The following ATAD5 variants were observed in gnomAD, a reference collection of about 807,000 sequenced individuals.
ATAD5 encodes ATPase family AAA domain containing 5.
A neutral mutation model predicts 176.9 loss-of-function variants in ATAD5; 58 were observed. The ratio of observed to expected loss-of-function variants is 0.33; its 90% confidence interval spans 0.27 to 0.41. The LOEUF (loss-of-function observed/expected upper bound fraction) is 0.41, where lower values mean the gene tolerates loss of function less well. Among genes scored for constraint, ATAD5 ranks in the 10% least tolerant of loss-of-function variants. ATAD5 has a pLI of 1.00. For synonymous variants in ATAD5, 640 were observed against 712.6 expected (o/e 0.90, Z 1.62); for missense variants, 1,789 against 2,094.1 (o/e 0.85, Z 2.84).
In ATAD5 at chr17:30,835,932, A is replaced by G. The variant is rs1905716272; in HGVS notation, c.1851A>G (p.Val617=). The change falls in exon 2 of 23, where the codon GTA becomes GTG. Residue 617 remains valine (V), a synonymous_variant. Coordinates refer to ENST00000321990, the MANE Select transcript of ATAD5 (RefSeq NM_024857.5). The part of the protein sequence containing the change: ...ETIRGIDSDD[V]QDNSQLKAST... ...TTAGAGGTATTGATTCTGACGATGT[A>G]CAAGATAATAGTCAACTAAAGGCTT... is the stretch of plus-strand genomic sequence containing the variant. The G allele has an allele frequency of 3.7e-6, 6 of 1,614,158 alleles. No individual in the cohort carries two copies. In the East Asian group the frequency reaches 1.3e-4, roughly 36 times the overall value.
intron 17 of ATAD5, 103 bp downstream of exon 17, chr17:30,878,199 T>A: frequency 1.3e-6 from 1 of 761,582 alleles, no homozygotes; most frequent in Non-Finnish European, 2.2e-6. Context: ...AATTACTTTT[T>A]TAAAATTGAT....
intron 18 of ATAD5, 30 bp from the exon 19 acceptor site, chr17:30,887,162 G>T (rs1416203314): frequency 6.5e-7 from 1 of 1,537,646 alleles, no homozygotes; most frequent in African/African-American, 1.4e-5. Context: ...GAACTCAGCA[G>T]TTAACCACAT....
chr17:30,839,964 T>C (rs951709172), intron 3 of ATAD5, among the ~76,000 whole-genome samples: 1 of 151,922 alleles, frequency 6.6e-6, no homozygotes, highest in African/African-American at 2.4e-5. Flanking sequence ...TTTGGGAGGC[T>C]AAGGCAGGCA....
At position 30,887,381 on chromosome 17, in the gene ATAD5, A is replaced by C. The variant is rs1444261565; in HGVS notation, c.4258+9A>C. ...ACCATTAACCCTTTATCGTAAGTTG[A>C]TTTGTTATTAAAGAAATTTCTATTA... On this transcript the variant is annotated intron_variant, in intron 19 of 22. Coordinates refer to ENST00000321990, the MANE Select transcript of ATAD5 (RefSeq NM_024857.5). 2 of 1,583,600 alleles carry C rather than the reference A, an allele frequency of 1.3e-6. No individual in the cohort carries two copies. Among genetic ancestry groups the C allele is most frequent in the South Asian group, 1.2e-5 (1 of 85,484 alleles).
In ATAD5 at chr17:30,869,301, C is replaced by T. The variant is rs770050678; in HGVS notation, c.3367C>T (p.Arg1123Cys). The change falls in exon 13 of 23, where the codon CGT (arginine) becomes TGT (cysteine). Residue 1123 changes from arginine to cysteine, a missense_variant. This residue lies in a region of ATAD5 where 487 missense variants were observed against 573.6 expected (regional missense o/e 0.85). Coordinates refer to ENST00000321990, the MANE Select transcript of ATAD5 (RefSeq NM_024857.5). ...KGSSDDEEESRLCNTVLITGP... is the reference protein window; with the variant it reads ...KGSSDDEEESCLCNTVLITGP... ...CAGTTCAGATGATGAAGAAGAGAGT[C>T]GTCTTTGCAATACTGTCCTTATAAC... The T allele has an allele frequency of 9.9e-6, 16 of 1,613,716 alleles. No individual in the cohort carries two copies. Among genetic ancestry groups the T allele is most frequent in the South Asian group, 2.2e-5 (2 of 91,034 alleles).
In ATAD5 at chr17:30,893,650, A is replaced by C. The variant is rs1909754061; in HGVS notation, c.4797A>C (p.Ser1599=). 6.2e-7 allele frequency: 1 copy of C among 1,613,602 alleles called. No individual in the cohort carries two copies. The highest frequency in any genetic ancestry group is 1.3e-5 in the African/African-American group (1 of 74,904). Residue 1599 remains serine (S), a synonymous_variant, in exon 21 of 23, where the codon TCA becomes TCC. Transcript: ENST00000321990. ...SISLSSVSSS[S]NAEESKTGDE... is the part of the protein sequence containing the mutation. ...GCCTGTCCTCTGTATCATCTTCCTCAAATGCAGAAGAAAGCAAAACCGGAG... is the reference window on the plus strand; with the variant it reads ...GCCTGTCCTCTGTATCATCTTCCTCCAATGCAGAAGAAAGCAAAACCGGAG...
In ATAD5 at chr17:30,840,777, CAGAA is replaced by C; in HGVS notation, c.2238_2241del (p.Glu747IlefsTer4). On this transcript the variant is annotated frameshift_variant and splice_region_variant, in exon 4 of 23. Coordinates refer to ENST00000321990, the MANE Select transcript of ATAD5 (RefSeq NM_024857.5). LOFTEE classifies it high-confidence loss of function. ...CCTGAAAGGAAGAAATTGTCAGAAACAGAAGTAAGTATTATAAATATCTGTTGGT... is the reference window on the plus strand; with the variant it reads ...CCTGAAAGGAAGAAATTGTCAGAAACGTAAGTATTATAAATATCTGTTGGT... The C allele has an allele frequency of 6.3e-7, 1 of 1,596,612 alleles. No individual in the cohort carries two copies. The highest frequency in any genetic ancestry group is 8.5e-7 in the Non-Finnish European group (1 of 1,174,780).
rs771848966 is a variant in ATAD5, at chr17:30,877,986, A to T, written c.3919-17A>T. On this transcript the variant is annotated splice_polypyrimidine_tract_variant and intron_variant, in intron 16 of 22. Coordinates refer to ENST00000321990, the MANE Select transcript of ATAD5 (RefSeq NM_024857.5). ...TTAGTAAGTGTATTAATATATTAATATTCTAATAAACTGTAGGTTGATGTA... is the reference window on the plus strand; with the variant it reads ...TTAGTAAGTGTATTAATATATTAATTTTCTAATAAACTGTAGGTTGATGTA... 2 of 1,522,404 alleles carry T rather than the reference A, an allele frequency of 1.3e-6. No homozygotes were observed. The highest frequency in any genetic ancestry group is 1.8e-6 in the Non-Finnish European group (2 of 1,101,766). The allele number at this position is 1,522,404 out of a possible 1,614,324, so 94.3% of individuals were successfully genotyped here.
Position 30,892,589 on chromosome 17 carries a change from TTTTC to T in ATAD5, c.4259-14_4259-11del. ...GTTTAATACATATATAGAGCTAAGATTTTCTTTTATTTTGTAGGTGGAAATAGCA... is the reference window on the plus strand; with the variant it reads ...GTTTAATACATATATAGAGCTAAGATTTTTATTTTGTAGGTGGAAATAGCA... On this transcript the variant is annotated splice_polypyrimidine_tract_variant and intron_variant, in intron 19 of 22. Transcript: ENST00000321990. 6.6e-7 allele frequency: 1 copy of T among 1,524,300 alleles called. No homozygotes were observed. The highest frequency in any genetic ancestry group is 8.8e-7 in the Non-Finnish European group (1 of 1,139,192). The allele number at this position is 1,524,300 out of a possible 1,614,324, so 94.4% of individuals were successfully genotyped here. A position where few individuals can be genotyped will look rare whatever the true frequency, so the allele number is the denominator to read the frequency against.
At chr17:30,856,898 A>G (rs1907319043) in intron 7 of ATAD5, 57 bp from the exon 8 acceptor site, 18 of 1,408,386 alleles carry the variant, frequency 1.3e-5, no homozygotes, top group Non-Finnish European at 1.7e-5. Context: ...TTTGACATTC[A>G]GTAAATGGAT....
chr17:30,870,445 A>T (rs1285967699), intron 14 of ATAD5, among the ~76,000 whole-genome samples: 1 of 151,982 alleles, frequency 6.6e-6, no homozygotes, highest in East Asian at 2.0e-4. Context: ...TATGGGCCTT[A>T]TTAGATTCAG....
chr17:30,869,926 A>G, intron 14 of ATAD5: 2 of 302,314 alleles, frequency 6.6e-6, no homozygotes, highest in Non-Finnish European at 1.2e-5. Flanking sequence ...CCTAAGCAGC[A>G]TAGCGAGACC....
intron 8 of ATAD5, 151 bp downstream of exon 8, chr17:30,857,263 G>C (rs1907342152): frequency 1.2e-6 from 1 of 825,454 alleles, no homozygotes. Context: ...CTGTTGCCCA[G>C]GCTGGAGTGC....
chr17:30,869,510 T>G lies in ATAD5; in HGVS notation c.3471T>G (p.Asn1157Lys). The change falls in exon 14 of 23, where the codon AAT becomes AAG. Residue 1157 changes from asparagine (N) to lysine (K), a missense_variant. Around this residue, in one of 6 missense-constraint regions of ATAD5, gnomAD observed 194 missense variants for 270.1 expected, o/e 0.72. Transcript: ENST00000321990. ...TCTTCTTTTAGATATTTGAAGTGAATGCCTCTTCCCAGCGCAGTGGTAGAC... is the reference window on the plus strand; with the variant it reads ...TCTTCTTTTAGATATTTGAAGTGAAGGCCTCTTCCCAGCGCAGTGGTAGAC... ...QELGFKIFEV[N>K]ASSQRSGRQI... 6.2e-7 allele frequency: 1 copy of G among 1,613,222 alleles called. No homozygotes were observed. Among genetic ancestry groups the G allele is most frequent in the Non-Finnish European group, 8.5e-7 (1 of 1,179,840 alleles).
intron 18 of ATAD5, among the ~76,000 whole-genome samples, chr17:30,881,528 C>A (rs1909011441): frequency 6.6e-6 from 1 of 152,194 alleles, no homozygotes; most frequent in African/African-American, 2.4e-5. Context: ...GCTTTGAACT[C>A]TTGACCTCAA....
intron 3 of ATAD5, among the ~76,000 whole-genome samples, chr17:30,840,051 A>G (rs60303440): frequency 0.1 from 15,943 of 151,902 alleles, 950 homozygotes; most frequent in South Asian, 0.24. Context: ...TACGAAAATT[A>G]GCTGGGTGTG....
chr17:30,879,415 G>GTA lies in ATAD5; in HGVS notation c.4013-7_4013-6insAT, dbSNP rs1555559948. ...ATTTTTTTTTTTTGTGTGTGTGTGT[G>GTA]TGTGTAGACCCAACATTTAGTTTAA... is the stretch of plus-strand genomic sequence containing the variant. On this transcript the variant is annotated splice_polypyrimidine_tract_variant and splice_region_variant and intron_variant, in intron 17 of 22. Coordinates refer to ENST00000321990, the MANE Select transcript of ATAD5 (RefSeq NM_024857.5). 29,278 of 1,593,076 alleles carry GTA rather than the reference G, an allele frequency of 0.018. 191 individuals are homozygous for GTA. The highest frequency in any genetic ancestry group is 0.021 in the Non-Finnish European group (24,472 of 1,169,426).
intron 6 of ATAD5, among the ~76,000 whole-genome samples, chr17:30,847,886 A>AT (rs1906624567): frequency 6.7e-6 from 1 of 150,250 alleles, no homozygotes; most frequent in Non-Finnish European, 1.5e-5. Context: ...CGCCTGGCTA[A>AT]TTTTTTTGTA....
chr17:30,890,413 CTTTTCT>C (rs1372863961), intron 19 of ATAD5, among the ~76,000 whole-genome samples: 1 of 120,636 alleles, frequency 8.3e-6, no homozygotes, highest in East Asian at 2.3e-4. Context: ...AATTTCTCTT[CTTTTCT>C]TTTTTTTTTT....
Sources: allele counts gnomAD v4.1 joint callset (sites outside exome capture counted in the v4.1 genomes callset), GRCh38; gene constraint gnomAD v4.1.1; regional missense constraint gnomAD v4.1.1; transcripts MANE v1.5; gene names NCBI Gene and HGNC (gene_info 2026-07-23, HGNC 2026-07-21).